Variants in LRMDA observed in about 807,000 individuals in gnomAD.
The protein encoded by LRMDA is leucine rich melanocyte differentiation associated.
In LRMDA, 18 loss-of-function variants were observed where a neutral mutation model predicts 29.8. The observed-to-expected ratio is 0.60, with a 90% CI of 0.42 to 0.90. The LOEUF (loss-of-function observed/expected upper bound fraction) is 0.90. Ranked by LOEUF, LRMDA falls within the 40% of genes least tolerant of loss-of-function variation. The pLI, the probability that LRMDA is intolerant of heterozygous loss-of-function variation, is 0.00. For synonymous variants in LRMDA, 125 were observed against 109.4 expected (o/e 1.14, Z -0.89); for missense variants, 273 against 273.9 (o/e 1.00, Z 0.02).
chr10:75,547,965 T>C (rs1201476736), intron 2 of LRMDA, among the ~76,000 whole-genome samples: 1 of 152,170 alleles, frequency 6.6e-6, no homozygotes, highest in Non-Finnish European at 1.5e-5. Flanking sequence ...TTCAAATTAC[T>C]CACAAGAAGA....
chr10:76,296,042 T>C (rs1840408005), intron 5 of LRMDA, among the ~76,000 whole-genome samples: 1 of 152,202 alleles, frequency 6.6e-6, no homozygotes, highest in African/African-American at 2.4e-5. Context: ...GAGTACTGCA[T>C]GAATACATTT....
rs368355372 is a variant in LRMDA at position 76,058,744 on chromosome 10, G to A, written c.477G>A (p.Ala159=). Residue 159 remains alanine (A), a synonymous_variant, in exon 5 of 7, where the codon GCG becomes GCA. Coordinates refer to ENST00000611255, the MANE Select transcript of LRMDA (RefSeq NM_001305581.2). ...TAACCAGACAAGAACGAGAGGAGGC[G>A]TTGGTCAGAGGAGTCTTCATGAAGG... ...QKVTRQEREE[A]LVRGVFMKVV... 410 of 1,614,146 alleles carry A rather than the reference G, an allele frequency of 2.5e-4. 3 individuals carry two copies. In the East Asian group the frequency reaches 5.2e-3, roughly 20 times the overall value.
chr10:75,581,949 G>A (rs1444957221), intron 2 of LRMDA, among the ~76,000 whole-genome samples: 2 of 152,114 alleles, frequency 1.3e-5, no homozygotes, highest in Non-Finnish European at 2.9e-5. Context: ...ATATCTTAAA[G>A]CTCCAAGATA....
At chr10:76,259,500 G>C (rs910199261) in intron 5 of LRMDA, among the ~76,000 whole-genome samples, 27 of 152,196 alleles carry the variant, frequency 1.8e-4, no homozygotes, top group African/African-American at 6.3e-4. Context: ...GGTCTATCCT[G>C]GAGAATGTTG....
chr10:76,018,627 G>A (rs977211314), intron 2 of LRMDA, among the ~76,000 whole-genome samples: 1 of 150,096 alleles, frequency 6.7e-6, no homozygotes, highest in Non-Finnish European at 1.5e-5. Flanking sequence ...GAGTGCAGTG[G>A]TTTAATCTTG....
intron 6 of LRMDA, among the ~76,000 whole-genome samples, chr10:76,546,627 AC>A (rs1248081679): frequency 6.6e-6 from 1 of 152,090 alleles, no homozygotes; most frequent in African/African-American, 2.4e-5. Flanking sequence ...TAACACCTGG[AC>A]CCAGCTCTGG....
intron 6 of LRMDA, among the ~76,000 whole-genome samples, chr10:76,488,103 CT>C (rs1842799883): frequency 6.6e-6 from 1 of 151,702 alleles, no homozygotes; most frequent in Non-Finnish European, 1.5e-5. Context: ...GTTTTCTAAA[CT>C]TTCACTTATT....
At chr10:75,510,980 C>T (rs1845218709) in intron 2 of LRMDA, among the ~76,000 whole-genome samples, 1 of 152,150 alleles carries the variant, frequency 6.6e-6, no homozygotes, top group South Asian at 2.1e-4. Flanking sequence ...CCCCTTTTCT[C>T]TGTTCCCTTC....
At chr10:75,638,925 C>T (rs971184411) in intron 2 of LRMDA, among the ~76,000 whole-genome samples, 1 of 152,020 alleles carries the variant, frequency 6.6e-6, no homozygotes, top group African/African-American at 2.4e-5. Flanking sequence ...TAAGAAATAC[C>T]AGTAGTTCAG....
intron 6 of LRMDA, among the ~76,000 whole-genome samples, chr10:76,492,791 C>G (rs995656746): frequency 1.3e-5 from 2 of 151,944 alleles, no homozygotes; most frequent in African/African-American, 4.8e-5. Flanking sequence ...GAAGGAAGCC[C>G]TTTATAAAAC....
chr10:75,788,725 G>A lies in LRMDA; in HGVS notation c.132-247283G>A, dbSNP rs537676731. 1.1e-4 allele frequency among the ~76,000 whole-genome samples: 17 copies of A among 152,292 alleles called. No individual in the cohort carries two copies. In the South Asian group the frequency reaches 2.3e-3, roughly 20 times the overall value. On this transcript the variant is annotated intron_variant, in intron 2 of 6. Coordinates refer to ENST00000611255, the MANE Select transcript of LRMDA (RefSeq NM_001305581.2). ...CTGGCTGTAGGACAGGCGAGGAAAT[G>A]TAATTTTTAACTTGGTGCATTGCCA...
chr10:75,438,545 T>C, intron 2 of LRMDA, 51 bp downstream of exon 2: 1 of 1,419,734 alleles, frequency 7.0e-7, no homozygotes, highest in Non-Finnish European at 9.7e-7. Flanking sequence ...CCAGTCCTCC[T>C]GGGTACTTTA....
chr10:75,986,108 G>T (rs1310826411), intron 2 of LRMDA, among the ~76,000 whole-genome samples: 1 of 152,206 alleles, frequency 6.6e-6, no homozygotes, highest in East Asian at 1.9e-4. Context: ...TATTATTTTG[G>T]AGAGCTCTGA....
At chr10:75,964,816 G>A (rs533076588) in intron 2 of LRMDA, among the ~76,000 whole-genome samples, 54 of 152,266 alleles carry the variant, frequency 3.5e-4, no homozygotes, top group African/African-American at 1.3e-3. Flanking sequence ...CACCCAGGCC[G>A]GAATGCAGTG....
intron 6 of LRMDA, among the ~76,000 whole-genome samples, chr10:76,451,934 G>A (rs1462027457): frequency 6.6e-6 from 1 of 152,188 alleles, no homozygotes; most frequent in Non-Finnish European, 1.5e-5. Context: ...TGGGATTACA[G>A]GCGTGAGCCA....
intron 2 of LRMDA, among the ~76,000 whole-genome samples, chr10:75,777,756 T>C (rs989894759): frequency 6.6e-6 from 1 of 152,174 alleles, no homozygotes; most frequent in African/African-American, 2.4e-5. Flanking sequence ...TGTTTCCTCC[T>C]TGTAAGATGG....
At chr10:76,556,941 C>T (rs1414666657) in intron 6 of LRMDA, among the ~76,000 whole-genome samples, 1 of 152,136 alleles carries the variant, frequency 6.6e-6, no homozygotes, top group Non-Finnish European at 1.5e-5. Context: ...AGAAAAGTAC[C>T]TAGCATGTGG....
intron 6 of LRMDA, among the ~76,000 whole-genome samples, chr10:76,540,992 A>G (rs116804360): frequency 0.013 from 1,976 of 152,310 alleles, 46 homozygotes; most frequent in African/African-American, 0.045. Flanking sequence ...TGAGTCATAT[A>G]GTATCCAGTC....
At chr10:75,854,548 A>AATTTATTTATTT (rs532173091) in intron 2 of LRMDA, among the ~76,000 whole-genome samples, 8 of 151,906 alleles carry the variant, frequency 5.3e-5, no homozygotes, top group African/African-American at 1.7e-4. Context: ...AAAAATGACC[A>AATTTATTTATTT]ATTTATTTAT....
Sources: gnomAD v4.1 joint callset for allele counts (sites outside exome capture counted in the v4.1 genomes callset) on GRCh38, gnomAD v4.1.1 for gene constraint, MANE v1.5 for transcripts, NCBI Gene and HGNC (gene_info 2026-07-23, HGNC 2026-07-21) for gene names.